POLR3C: variants seen among roughly 807,000 people sequenced by gnomAD.
POLR3C encodes RNA polymerase III subunit C.
In POLR3C, 44 loss-of-function variants were observed where a neutral mutation model predicts 65.9. The observed-to-expected ratio is 0.67, with a 90% CI of 0.52 to 0.86. The LOEUF is 0.86. POLR3C is among the 40% of genes least tolerant of loss of function. The pLI is 0.00. For synonymous variants in POLR3C, 263 were observed against 231.6 expected (o/e 1.14, Z -1.23); for missense variants, 576 against 653.2 (o/e 0.88, Z 1.29).
chr1:145,837,122 A>G (rs115229279), intron 9 of POLR3C, among the ~76,000 whole-genome samples: 1,894 of 152,288 alleles, frequency 0.012, 18 homozygotes, highest in Non-Finnish European at 0.021. Flanking sequence ...CAGCTAAGCA[A>G]CATGGCAAAA....
rs1201306429 is a variant in POLR3C at position 145,836,583 on chromosome 1, G to A, written c.957+9G>A. On this transcript the variant is annotated intron_variant, in intron 8 of 14. Coordinates refer to ENST00000334163, the MANE Select transcript of POLR3C (RefSeq NM_006468.8). ...TGCTGGCAGATGATCCAGTAAGTCT[G>A]TTTTTGCTTTTTTTCTTTTTTCTTT... 1 of 1,580,172 alleles carries A rather than the reference G, an allele frequency of 6.3e-7. No homozygotes were observed. Among genetic ancestry groups the A allele is most frequent in the African/African-American group, 1.3e-5 (1 of 74,352 alleles).
chr1:145,842,375 C>T lies in POLR3C; in HGVS notation c.1560C>T (p.Ile520=). The change falls in exon 15 of 15, where the codon ATC becomes ATT. Residue 520 remains isoleucine, a synonymous_variant. Coordinates refer to ENST00000334163, the MANE Select transcript of POLR3C (RefSeq NM_006468.8). ...GTGAGATCCAGGTGGACGAAACCAT[C>T]TTCCTGCTGGAGTCTTACATTGAGT... ...DASEIQVDET[I]FLLESYIECT... 1 of 1,611,944 alleles carries T rather than the reference C, an allele frequency of 6.2e-7. No homozygotes were observed. Among genetic ancestry groups the T allele is most frequent in the East Asian group, 2.2e-5 (1 of 44,890 alleles).
chr1:145,838,575 C>T lies in POLR3C; in HGVS notation c.1221+369C>T, dbSNP rs371792289. Among the ~76,000 whole-genome samples the T allele has an allele frequency of 3.0e-4, 45 of 152,048 alleles. No homozygotes were observed. The South Asian group carries it at 7.9e-3, about 27-fold the overall frequency. On this transcript the variant is annotated intron_variant, in intron 11 of 14. Coordinates refer to ENST00000334163, the MANE Select transcript of POLR3C (RefSeq NM_006468.8). ...GCACACGCCTATAGTCCCAGCTGCT[C>T]GGGAGGCTGAGGCAGGAAGGAGACT...
Position 145,842,793 on chromosome 1 carries a change from T to TGATA in POLR3C, c.*394_*397dup, listed in dbSNP as rs1201196967. On this transcript the variant is annotated 3_prime_UTR_variant, in exon 15 of 15. Coordinates refer to ENST00000334163, the MANE Select transcript of POLR3C (RefSeq NM_006468.8). ...CTGTTCTTTATTTTGTTGAGATAGG[T>TGATA]GATAGATAGATAGATAGATAGATAA... Among the ~76,000 whole-genome samples the TGATA allele has an allele frequency of 2.6e-3, 372 of 142,414 alleles. 2 individuals are homozygous for TGATA. The highest frequency in any genetic ancestry group is 3.4e-3 in the Middle Eastern group (1 of 290). 93.4% of individuals were successfully genotyped at this position (142,414 alleles called of 152,430 possible). A position where few individuals can be genotyped will look rare whatever the true frequency, so the allele number is the denominator to read the frequency against.
chr1:145,835,974 C>G (rs1651786818), intron 7 of POLR3C, among the ~76,000 whole-genome samples: 1 of 152,118 alleles, frequency 6.6e-6, no homozygotes, highest in Admixed American at 6.6e-5. Context: ...TTCATAATGA[C>G]TGTATCATAT....
chr1:145,826,227 TTG>T (rs1650728942), intron 2 of POLR3C, among the ~76,000 whole-genome samples: 1 of 152,156 alleles, frequency 6.6e-6, no homozygotes, highest in Non-Finnish European at 1.5e-5. Flanking sequence ...TGAAAGTAAA[TTG>T]TGTTTTGAGA....
chr1:145,838,209 A>T lies in POLR3C; in HGVS notation c.1221+3A>T. The T allele has an allele frequency of 6.2e-7, 1 of 1,612,762 alleles. No homozygotes were observed. Among genetic ancestry groups the T allele is most frequent in the East Asian group, 2.2e-5 (1 of 44,874 alleles). On this transcript the variant is annotated splice_donor_region_variant and intron_variant, in intron 11 of 14. Transcript: ENST00000334163. ...CAGAAAATTTCATGTCACTCCAGGTAACCAACCAAGGGCGTAATAATTGCC... is the reference window on the plus strand; with the variant it reads ...CAGAAAATTTCATGTCACTCCAGGTTACCAACCAAGGGCGTAATAATTGCC...
Position 145,842,400 on chromosome 1 carries a change from T to G in POLR3C, c.1585T>G (p.Cys529Gly). The G allele has an allele frequency of 6.2e-7, 1 of 1,608,978 alleles. No individual in the cohort carries two copies. ...TIFLLESYIE[C>G]TMKRQ ...CTTCCTGCTGGAGTCTTACATTGAG[T>G]GCACCATGAAGAGACAGTGATCCAG... is the stretch of plus-strand genomic sequence containing the variant. Residue 529 changes from cysteine to glycine, a missense_variant, in exon 15 of 15, where the codon TGC (cysteine) becomes GGC (glycine). Cys to Gly is a radical substitution (Grantham distance 159, BLOSUM62 -3). Transcript: ENST00000334163.
chr1:145,839,307 A>C (rs1242830701), intron 11 of POLR3C, among the ~76,000 whole-genome samples: 1 of 152,122 alleles, frequency 6.6e-6, no homozygotes, highest in Non-Finnish European at 1.5e-5. Context: ...TAAAGATCAA[A>C]TAGAATTTAC....
intron 4 of POLR3C, among the ~76,000 whole-genome samples, chr1:145,827,548 A>G (rs988872865): frequency 6.6e-6 from 1 of 151,826 alleles, no homozygotes; most frequent in African/African-American, 2.4e-5. Flanking sequence ...TCACGAGGTC[A>G]GGAGATCGAG....
intron 5 of POLR3C, 53 bp downstream of exon 5, chr1:145,828,890 C>A: frequency 1.1e-6 from 1 of 947,080 alleles, no homozygotes; most frequent in Non-Finnish European, 1.7e-6. Context: ...CCAGAAAGAG[C>A]ACTCAGATAA....
At chr1:145,831,641 G>GTA (rs1221352218) in intron 5 of POLR3C, among the ~76,000 whole-genome samples, 2 of 152,096 alleles carry the variant, frequency 1.3e-5, no homozygotes, top group African/African-American at 4.8e-5. Flanking sequence ...GAAAGGAAAG[G>GTA]TATGGACAGA....
intron 7 of POLR3C, 46 bp from the exon 8 acceptor site, chr1:145,836,448 G>C (rs367679319): frequency 9.8e-7 from 1 of 1,023,044 alleles, no homozygotes; most frequent in Non-Finnish European, 1.6e-6. Context: ...GTAAGGTCAG[G>C]AGTTCTAAGT....
rs781870753 is a variant in POLR3C at position 145,826,490 on chromosome 1, C to G, written c.184C>G (p.Leu62Val). 45 of 1,613,412 alleles carry G rather than the reference C, an allele frequency of 2.8e-5. No individual in the cohort carries two copies. The highest frequency in any genetic ancestry group is 3.8e-5 in the Non-Finnish European group (45 of 1,179,786). The change falls in exon 3 of 15, where the codon CTG (leucine) becomes GTG (valine). Residue 62 changes from leucine to valine, a missense_variant. Coordinates refer to ENST00000334163, the MANE Select transcript of POLR3C (RefSeq NM_006468.8). ...CCTGTGTGTCCTCGTCCAACATAACCTGGTGAGTTATCAAGTGCACAAACG... is the reference window on the plus strand; with the variant it reads ...CCTGTGTGTCCTCGTCCAACATAACGTGGTGAGTTATCAAGTGCACAAACG... ...KALCVLVQHN[L>V]VSYQVHKRGV...
At chr1:145,828,531 A>G (rs1279417942) in intron 4 of POLR3C, among the ~76,000 whole-genome samples, 1 of 152,150 alleles carries the variant, frequency 6.6e-6, no homozygotes, top group Non-Finnish European at 1.5e-5. Context: ...GAAAGAGAGC[A>G]TTGGAGGAGA....
chr1:145,831,514 CA>C (rs57887653), intron 5 of POLR3C, among the ~76,000 whole-genome samples: 36,484 of 92,494 alleles, frequency 0.39, 4,838 homozygotes, highest in Non-Finnish European at 0.46. Context: ...AACTCCATCT[CA>C]AAAAAAAAAA....
intron 14 of POLR3C, 51 bp from the exon 15 acceptor site, chr1:145,842,288 A>G: frequency 8.8e-7 from 1 of 1,138,518 alleles, no homozygotes; most frequent in Non-Finnish European, 1.3e-6. Context: ...TCTAATCTTA[A>G]ATATGCTAAT....
rs1650808895 is a variant in POLR3C, at chr1:145,826,959, C to T, written c.543C>T (p.Val181=). The T allele has an allele frequency of 4.3e-6, 7 of 1,612,740 alleles. No individual in the cohort carries two copies. The highest frequency in any genetic ancestry group is 1.6e-4 in the Middle Eastern group (1 of 6,080). Residue 181 remains valine, a synonymous_variant, in exon 4 of 15, where the codon GTC becomes GTT. Coordinates refer to ENST00000334163, the MANE Select transcript of POLR3C (RefSeq NM_006468.8). ...CACCACCACCTGCCCCCACACTTGT[C>T]ATTAATGAAAAGGACATGTACCTGG... ...PGPPPPAPTL[V]INEKDMYLVP... is the part of the protein sequence containing the mutation.
chr1:145,842,391 T>C lies in POLR3C; in HGVS notation c.1576T>C (p.Tyr526His). 6.2e-7 allele frequency: 1 copy of C among 1,610,914 alleles called. No homozygotes were observed. The highest frequency in any genetic ancestry group is 1.1e-5 in the South Asian group (1 of 91,026). ...CGAAACCATCTTCCTGCTGGAGTCT[T>C]ACATTGAGTGCACCATGAAGAGACA... ...VDETIFLLES[Y>H]IECTMKRQ Residue 526 changes from tyrosine (Y) to histidine (H), a missense_variant, in exon 15 of 15, where the codon TAC becomes CAC. By Grantham distance (83) the Tyr-to-His change is moderately conservative. Coordinates refer to ENST00000334163, the MANE Select transcript of POLR3C (RefSeq NM_006468.8).
Sources: gnomAD v4.1 joint callset for allele counts (sites outside exome capture counted in the v4.1 genomes callset) on GRCh38, gnomAD v4.1.1 for gene constraint, MANE v1.5 for transcripts, NCBI Gene and HGNC (gene_info 2026-07-23, HGNC 2026-07-21) for gene names.